PGR: variants seen among roughly 807,000 people sequenced by gnomAD.
PGR encodes the protein progesterone receptor, also known as nuclear receptor subfamily 3 group C member 3.
PGR carries 25 observed loss-of-function variants against 76.1 expected under a neutral mutation model. That is an observed-to-expected ratio of 0.33 (90% CI 0.24 to 0.46). The LOEUF is 0.46. Ranked by LOEUF, PGR falls within the 20% of genes least tolerant of loss-of-function variation. The pLI is 1.00. For missense variants in PGR, 1,172 were observed against 1,225.3 expected, an observed-to-expected ratio of 0.96 and a Z score of 0.65; for synonymous variants, 579 against 535.0, an observed-to-expected ratio of 1.08 and a Z score of -1.14.
At chr11:101,091,971 C>T in intron 2 of PGR, 95 bp from the exon 3 acceptor site, 1 of 725,330 alleles carries the variant, frequency 1.4e-6, no homozygotes, top group Non-Finnish European at 2.5e-6. Context: ...AGATACACAT[C>T]AGCAAGTGCA....
At chr11:101,061,121 A>C (rs1029791445) in intron 4 of PGR, among the ~76,000 whole-genome samples, 1 of 152,212 alleles carries the variant, frequency 6.6e-6, no homozygotes, top group African/African-American at 2.4e-5. Context: ...AAAATTAAAC[A>C]CATGTTTAAA....
At chr11:101,055,249 C>T (rs779418431) in intron 4 of PGR, among the ~76,000 whole-genome samples, 68 of 151,736 alleles carry the variant, frequency 4.5e-4, no homozygotes, top group Middle Eastern at 3.4e-3. Flanking sequence ...CCTGTCTCTA[C>T]TAAAAATACA....
chr11:101,126,953 C>T (rs887179383), intron 1 of PGR: 6 of 152,510 alleles, frequency 3.9e-5, no homozygotes, highest in African/African-American at 1.4e-4. Flanking sequence ...CCGGCCACCT[C>T]TCAAGTCCCA....
intron 3 of PGR, among the ~76,000 whole-genome samples, chr11:101,073,393 A>G (rs576383553): frequency 6.6e-5 from 10 of 152,334 alleles, no homozygotes; most frequent in Non-Finnish European, 1.5e-4. Flanking sequence ...TCTAAAATTG[A>G]CACGCTAATA....
At chr11:101,063,012 G>T in intron 3 of PGR, 1 of 361,892 alleles carries the variant, frequency 2.8e-6, no homozygotes. Flanking sequence ...GGTGAGGTGT[G>T]GGTAATTATA....
chr11:101,072,997 C>T (rs1283462417), intron 3 of PGR, among the ~76,000 whole-genome samples: 1 of 152,166 alleles, frequency 6.6e-6, no homozygotes, highest in African/African-American at 2.4e-5. Context: ...ACAGAACTCT[C>T]TACCCCAAAT....
intron 4 of PGR, among the ~76,000 whole-genome samples, chr11:101,056,602 T>C (rs1253197265): frequency 2.1e-5 from 3 of 140,458 alleles, no homozygotes; most frequent in African/African-American, 5.3e-5. Flanking sequence ...ATCATGCCAC[T>C]GCACTCCAGC....
intron 3 of PGR, among the ~76,000 whole-genome samples, chr11:101,075,921 G>A (rs911383570): frequency 1.3e-5 from 2 of 152,118 alleles, no homozygotes; most frequent in South Asian, 2.1e-4. Flanking sequence ...GATTCCTCAA[G>A]GATCTAGAAC....
At chr11:101,114,119 T>C (rs1862428919) in intron 2 of PGR, among the ~76,000 whole-genome samples, 1 of 152,230 alleles carries the variant, frequency 6.6e-6, no homozygotes, top group African/African-American at 2.4e-5. Flanking sequence ...TTTAGTCTAA[T>C]ACTTAGTCAG....
chr11:101,121,052 G>A (rs996555474), intron 2 of PGR, among the ~76,000 whole-genome samples: 18 of 152,212 alleles, frequency 1.2e-4, no homozygotes, highest in African/African-American at 4.3e-4. Context: ...GAACCCTAAT[G>A]TAAAGTGGTG....
chr11:101,051,315 G>T, intron 5 of PGR, 109 bp downstream of exon 5: 1 of 742,544 alleles, frequency 1.3e-6, no homozygotes, highest in Non-Finnish European at 2.3e-6. Context: ...TGACAGTAAT[G>T]TCATCATATC....
intron 2 of PGR, among the ~76,000 whole-genome samples, chr11:101,115,889 T>C (rs1862490839): frequency 6.6e-6 from 1 of 152,228 alleles, no homozygotes; most frequent in African/African-American, 2.4e-5. Flanking sequence ...TCTGAGTACA[T>C]GTCCAAAATC....
At chr11:101,065,455 A>G (rs1396342062) in intron 3 of PGR, among the ~76,000 whole-genome samples, 4 of 152,226 alleles carry the variant, frequency 2.6e-5, no homozygotes, top group Non-Finnish European at 5.9e-5. Flanking sequence ...TGCAAGTAAC[A>G]AATAAATCTG....
At chr11:101,053,772 T>C (rs1860190118) in intron 4 of PGR, among the ~76,000 whole-genome samples, 1 of 150,504 alleles carries the variant, frequency 6.6e-6, no homozygotes, top group African/African-American at 2.4e-5. Flanking sequence ...CCCTCACTGC[T>C]CCCTAATACC....
intron 2 of PGR, among the ~76,000 whole-genome samples, chr11:101,116,766 CA>C (rs1862527206): frequency 2.1e-5 from 3 of 142,390 alleles, no homozygotes; most frequent in Non-Finnish European, 4.6e-5. Flanking sequence ...AAAAAAAGAC[CA>C]AAACATGTCA....
At chr11:101,086,551 C>T (rs1861507242) in intron 3 of PGR, among the ~76,000 whole-genome samples, 1 of 152,124 alleles carries the variant, frequency 6.6e-6, no homozygotes, top group South Asian at 2.1e-4. Flanking sequence ...TGCTCACTCT[C>T]ACCACTCCTG....
At chr11:101,085,753 G>A (rs1201863216) in intron 3 of PGR, among the ~76,000 whole-genome samples, 1 of 151,902 alleles carries the variant, frequency 6.6e-6, no homozygotes, top group African/African-American at 2.4e-5. Context: ...AAACAGAAAT[G>A]ACAAAGGTGA....
At chr11:101,081,611 G>A (rs540724120) in intron 3 of PGR, among the ~76,000 whole-genome samples, 101 of 152,216 alleles carry the variant, frequency 6.6e-4, no homozygotes, top group African/African-American at 2.2e-3. Flanking sequence ...TGTTTTCAGC[G>A]TTCTTAAAAG....
intron 2 of PGR, among the ~76,000 whole-genome samples, chr11:101,110,310 T>C (rs1862305601): frequency 6.6e-6 from 1 of 152,222 alleles, no homozygotes; most frequent in South Asian, 2.1e-4. Flanking sequence ...TCATTTTAGA[T>C]GTCATTAAGA....
Sources: allele counts gnomAD v4.1 joint callset (sites outside exome capture counted in the v4.1 genomes callset), GRCh38; gene constraint gnomAD v4.1.1; transcripts MANE v1.5; gene names NCBI Gene and HGNC (gene_info 2026-07-23, HGNC 2026-07-21).